Variants in HIRA observed in about 807,000 individuals in gnomAD.
HIRA encodes the protein histone cell cycle regulator, also known as protein HIRA.
Under a neutral mutation model 126.6 loss-of-function variants are expected in HIRA, and 13 were observed. The ratio of observed to expected loss-of-function variants is 0.10; its 90% CI spans 0.07 to 0.16. The LOEUF (loss-of-function observed/expected upper bound fraction) is 0.16. Among genes scored for constraint, HIRA ranks in the 10% least tolerant of loss-of-function variants. The pLI is 1.00. For missense variants in HIRA, 834 were observed against 1,314.4 expected, an observed-to-expected ratio of 0.63 and a Z score of 5.65; for synonymous variants, 511 against 520.0, an observed-to-expected ratio of 0.98 and a Z score of 0.24.
chr22:19,394,282 C>T (rs2089205765), intron 8 of HIRA, 60 bp downstream of exon 8: 3 of 1,563,416 alleles, frequency 1.9e-6, no homozygotes, highest in East Asian at 2.3e-5. Context: ...CAAAATAAAC[C>T]AAGAATTAAT....
chr22:19,354,599 A>T (rs1877565080), intron 21 of HIRA, among the ~76,000 whole-genome samples: 1 of 152,112 alleles, frequency 6.6e-6, no homozygotes, highest in African/African-American at 2.4e-5. Context: ...TGTGAAGAAG[A>T]CTCTTCACAC....
At chr22:19,420,069 T>C (rs901373981) in intron 1 of HIRA, among the ~76,000 whole-genome samples, 2 of 145,362 alleles carry the variant, frequency 1.4e-5, no homozygotes, top group African/African-American at 5.5e-5. Flanking sequence ...TGTGTGTGTG[T>C]GCACGCGCCA....
At chr22:19,396,714 T>C (rs2089227319) in intron 7 of HIRA, 73 bp downstream of exon 7, 4 of 1,525,826 alleles carry the variant, frequency 2.6e-6, no homozygotes, top group Non-Finnish European at 3.6e-6. Flanking sequence ...GCCAGCTCCC[T>C]CTCTGTACAC....
At chr22:19,389,877 T>C (rs1328848045) in intron 9 of HIRA, among the ~76,000 whole-genome samples, 2 of 143,904 alleles carry the variant, frequency 1.4e-5, no homozygotes, top group Admixed American at 7.0e-5. Context: ...AAAAAAAAAA[T>C]CACAACGCAC....
chr22:19,412,394 A>G (rs560121541), intron 1 of HIRA, among the ~76,000 whole-genome samples: 3 of 152,362 alleles, frequency 2.0e-5, no homozygotes, highest in Admixed American at 1.3e-4. Context: ...CAGAATTATG[A>G]GCAAATAATA....
chr22:19,404,568 C>T (rs948642190), intron 5 of HIRA, among the ~76,000 whole-genome samples: 2 of 152,178 alleles, frequency 1.3e-5, no homozygotes, highest in Admixed American at 6.5e-5. Flanking sequence ...TGGGTTTGTT[C>T]TCCTTTTAAC....
At position 19,353,398 on chromosome 22, in the gene HIRA, G is replaced by T. The variant is rs782770518; in HGVS notation, c.2806C>A (p.Arg936Ser). Reference sequence around the variant, plus strand: ...CGTGCGTAGACGAGGAGCCAATGGCGGTACTCGTGGCTGGACTGCAGGGTG... The same window carrying T: ...CGTGCGTAGACGAGGAGCCAATGGCTGTACTCGTGGCTGGACTGCAGGGTG... ...ALTLQSSHEY[R>S]HWLLVYARYL... Residue 936 changes from arginine to serine, a missense_variant, in exon 23 of 25, where the codon CGC becomes AGC. Transcript: ENST00000263208. 1 of 1,612,932 alleles carries T rather than the reference G, an allele frequency of 6.2e-7. No individual in the cohort carries two copies. Among genetic ancestry groups the T allele is most frequent in the African/African-American group, 1.3e-5 (1 of 74,884 alleles).
At chr22:19,356,369 G>T in intron 19 of HIRA, 81 bp from the exon 20 acceptor site, 1 of 1,245,016 alleles carries the variant, frequency 8.0e-7, no homozygotes, top group Non-Finnish European at 1.2e-6. Context: ...AGACACCCTG[G>T]CCCTACTGCA....
chr22:19,357,807 C>A (rs5748147), intron 18 of HIRA, among the ~76,000 whole-genome samples: 5,984 of 152,274 alleles, frequency 0.039, 254 homozygotes, highest in East Asian at 0.12. Flanking sequence ...GCCAGTCACT[C>A]CAGCAGGCTC....
chr22:19,404,664 C>T (rs975476517), intron 5 of HIRA, among the ~76,000 whole-genome samples: 2 of 152,122 alleles, frequency 1.3e-5, no homozygotes, highest in African/African-American at 2.4e-5. Flanking sequence ...GCCCTGTCCT[C>T]GCCCAGAGCT....
At chr22:19,400,966 G>A (rs1022452291) in intron 5 of HIRA, among the ~76,000 whole-genome samples, 1 of 152,038 alleles carries the variant, frequency 6.6e-6, no homozygotes, top group African/African-American at 2.4e-5. Flanking sequence ...CAGGAACTCC[G>A]ATCTACTGAT....
chr22:19,371,485 T>C (rs1017553878), intron 15 of HIRA, among the ~76,000 whole-genome samples: 1 of 152,224 alleles, frequency 6.6e-6, no homozygotes, highest in South Asian at 2.1e-4. Context: ...TTGAGATATA[T>C]ATATCATAAA....
At position 19,385,570 on chromosome 22, in the gene HIRA, G is replaced by A. The variant is rs2089119223; in HGVS notation, c.1280C>T (p.Thr427Ile). The A allele has an allele frequency of 1.9e-6, 3 of 1,614,020 alleles. No individual in the cohort carries two copies. Among genetic ancestry groups the A allele is most frequent in the African/African-American group, 1.3e-5 (1 of 74,942 alleles). Residue 427 changes from threonine to isoleucine, a missense_variant, in exon 12 of 25, where the codon ACC becomes ATC. By Grantham distance (89) the Thr-to-Ile change is moderately conservative (BLOSUM62 -1). Transcript: ENST00000263208. ...CCCGTTGACAACGCCTGCGACTGAG[G>A]TGGCTGAGCCCATCTCCCTGGTCGC... ...SAATREMGSA[T>I]SVAGVVNGES... is the part of the protein sequence containing the mutation.
At chr22:19,335,208 C>A (rs1189101568) in intron 24 of HIRA, among the ~76,000 whole-genome samples, 1 of 151,848 alleles carries the variant, frequency 6.6e-6, no homozygotes, top group African/African-American at 2.4e-5. Flanking sequence ...TTACAAACTA[C>A]ATTTTCATTA....
intron 23 of HIRA, among the ~76,000 whole-genome samples, chr22:19,352,240 G>C (rs782322445): frequency 1.1e-4 from 16 of 152,014 alleles, no homozygotes; most frequent in African/African-American, 3.9e-4. Flanking sequence ...GTCATCCCAA[G>C]ATGGGTGGCG....
chr22:19,376,368 C>G (rs1010687874), intron 14 of HIRA, among the ~76,000 whole-genome samples: 1 of 152,188 alleles, frequency 6.6e-6, no homozygotes, highest in Non-Finnish European at 1.5e-5. Context: ...CAGGCAGAAG[C>G]CTGCCTGGTC....
chr22:19,372,745 T>C (rs1181383022), intron 15 of HIRA, among the ~76,000 whole-genome samples: 1 of 152,074 alleles, frequency 6.6e-6, no homozygotes, highest in African/African-American at 2.4e-5. Context: ...CTCATTTTTG[T>C]ATTTTTAGTA....
rs544187231 is a variant in HIRA at position 19,418,627 on chromosome 22, C to CA, written c.38-7850dup. ...TGGGCAACAGAGCGAGACTCTGTCT[C>CA]AAAAAAATAAAAATAAAAAATATAT... On this transcript the variant is annotated intron_variant, in intron 1 of 24. Transcript: ENST00000263208. Among the ~76,000 whole-genome samples, 776 of 151,702 alleles carry CA rather than the reference C, an allele frequency of 5.1e-3. 8 individuals carry two copies. Among genetic ancestry groups the CA allele is most frequent in the African/African-American group, 0.018 (727 of 41,318 alleles).
At chr22:19,342,044 A>G (rs1281747002) in intron 24 of HIRA, among the ~76,000 whole-genome samples, 7 of 152,350 alleles carry the variant, frequency 4.6e-5, no homozygotes, top group African/African-American at 1.7e-4. Context: ...ATATTTGCAA[A>G]CTATGCATCT....
Sources: allele counts gnomAD v4.1 joint callset (sites outside exome capture counted in the v4.1 genomes callset), GRCh38; gene constraint gnomAD v4.1.1; transcripts MANE v1.5; gene names NCBI Gene and HGNC (gene_info 2026-07-23, HGNC 2026-07-21).